Variants in ZNF385B observed in about 807,000 individuals in gnomAD.
ZNF385B encodes the protein zinc finger protein 533.
Under a neutral mutation model 39.2 loss-of-function variants are expected in ZNF385B, and 23 were observed. The observed-to-expected ratio is 0.59, with a 90% confidence interval of 0.42 to 0.83. The LOEUF (loss-of-function observed/expected upper bound fraction) is 0.83. Among genes scored for constraint, ZNF385B ranks in the 40% least tolerant of loss-of-function variants. ZNF385B has a pLI of 0.00. For synonymous variants in ZNF385B, 205 were observed against 222.6 expected, an observed-to-expected ratio of 0.92 and a Z score of 0.70; for missense variants, 552 against 598.9, an observed-to-expected ratio of 0.92 and a Z score of 0.82.
chr2:179,641,083 A>AT (rs1692226012), intron 3 of ZNF385B, among the ~76,000 whole-genome samples: 1 of 21,930 alleles, frequency 4.6e-5, no homozygotes, highest in African/African-American at 2.5e-4. Context: ...TGACCACTGC[A>AT]TAAAAAAGAT....
chr2:179,528,625 T>C (rs1176413320), intron 4 of ZNF385B, among the ~76,000 whole-genome samples: 1 of 152,222 alleles, frequency 6.6e-6, no homozygotes, highest in African/African-American at 2.4e-5. Flanking sequence ...TCCTTCTCTT[T>C]AGTGGAAACC....
Position 179,492,731 on chromosome 2 carries a change from G to A in ZNF385B, c.553-9297C>T, listed in dbSNP as rs572056841. On this transcript the variant is annotated intron_variant, in intron 5 of 9. Coordinates refer to ENST00000410066, the MANE Select transcript of ZNF385B (RefSeq NM_152520.6). Reference sequence around the variant, plus strand: ...TTTGTAAAATTCATACTCCAAAACCGAAACCAATTACTAAAACCTAGAAGA... The same window carrying A: ...TTTGTAAAATTCATACTCCAAAACCAAAACCAATTACTAAAACCTAGAAGA... 8.6e-5 allele frequency among the ~76,000 whole-genome samples: 13 copies of A among 151,912 alleles called. No individual in the cohort carries two copies. The East Asian group carries it at 2.3e-3, about 27-fold the overall frequency.
Position 179,814,672 on chromosome 2 carries a change from C to T in ZNF385B, c.-154-44000G>A, listed in dbSNP as rs569061810. 22 of 380,280 alleles carry T rather than the reference C, an allele frequency of 5.8e-5. No individual in the cohort carries two copies. In the East Asian group the frequency reaches 1.5e-3, roughly 27 times the overall value. 23.6% of individuals were successfully genotyped at this position (380,280 alleles called of 1,614,324 possible). Reference sequence around the variant, plus strand: ...AAAACTACTCCACCAAGTCCAGATACTGAAGCGCCCTCAGGCTGTGTGGAT... The same window carrying T: ...AAAACTACTCCACCAAGTCCAGATATTGAAGCGCCCTCAGGCTGTGTGGAT... On this transcript the variant is annotated intron_variant, in intron 1 of 9. Coordinates refer to ENST00000410066, the MANE Select transcript of ZNF385B (RefSeq NM_152520.6).
intron 1 of ZNF385B, among the ~76,000 whole-genome samples, chr2:179,857,672 G>A (rs1684712096): frequency 6.6e-6 from 1 of 152,126 alleles, no homozygotes; most frequent in South Asian, 2.1e-4. Context: ...GTAGGGAGGG[G>A]GAGCTAGTGG....
intron 3 of ZNF385B, among the ~76,000 whole-genome samples, chr2:179,703,448 T>G (rs533370132): frequency 3.3e-5 from 5 of 152,202 alleles, no homozygotes; most frequent in Non-Finnish European, 7.4e-5. Context: ...CTCTTTAACA[T>G]AGTATATATG....
chr2:179,714,405 G>C (rs1700189793), intron 3 of ZNF385B, among the ~76,000 whole-genome samples: 1 of 152,156 alleles, frequency 6.6e-6, no homozygotes, highest in Non-Finnish European at 1.5e-5. Context: ...GTAGGTGGTA[G>C]AGCTAGGATT....
rs533006719 is a variant in ZNF385B at position 179,767,328 on chromosome 2, C to T, written c.298+2175G>A. Among the ~76,000 whole-genome samples the T allele has an allele frequency of 1.4e-4, 21 of 152,246 alleles. No homozygotes were observed. In the East Asian group the frequency reaches 2.1e-3, roughly 15 times the overall value. On this transcript the variant is annotated intron_variant, in intron 3 of 9. Coordinates refer to ENST00000410066, the MANE Select transcript of ZNF385B (RefSeq NM_152520.6). ...GAGGCTGTAAGGTAAGGTAAACCTC[C>T]GCCTTTCTATCCTTCTATGGTTTCC... is the stretch of plus-strand genomic sequence containing the variant.
chr2:179,664,962 T>C (rs1490741290), intron 3 of ZNF385B, among the ~76,000 whole-genome samples: 2 of 152,162 alleles, frequency 1.3e-5, no homozygotes, highest in East Asian at 1.9e-4. Context: ...TGTTTGACTA[T>C]GAAAAAAATT....
At position 179,784,282 on chromosome 2, in the gene ZNF385B, C is replaced by T. The variant is rs114242510; in HGVS notation, c.-154-13610G>A. 3.8e-3 allele frequency among the ~76,000 whole-genome samples: 573 copies of T among 151,938 alleles called. 5 individuals are homozygous for T. The highest frequency in any genetic ancestry group is 0.013 in the African/African-American group (543 of 41,460). The stretch of plus-strand genomic sequence containing the variant: ...GTGAGATGATAAGAACTTGTGAACA[C>T]AAACAAGGAAACAGCAGACACTCGG... On this transcript the variant is annotated intron_variant, in intron 1 of 9. Coordinates refer to ENST00000410066, the MANE Select transcript of ZNF385B (RefSeq NM_152520.6).
intron 4 of ZNF385B, among the ~76,000 whole-genome samples, chr2:179,542,961 A>G (rs1335741476): frequency 2.0e-5 from 3 of 152,078 alleles, no homozygotes; most frequent in Middle Eastern, 3.2e-3. Context: ...TTCATGTATT[A>G]TTTATGTTAA....
At chr2:179,552,756 G>C (rs1184714574) in intron 3 of ZNF385B, among the ~76,000 whole-genome samples, 1 of 149,048 alleles carries the variant, frequency 6.7e-6, no homozygotes, top group Non-Finnish European at 1.5e-5. Flanking sequence ...ATATGAATAG[G>C]GGAGGTGACT....
chr2:179,511,598 G>T (rs1041918099), intron 5 of ZNF385B, among the ~76,000 whole-genome samples: 2 of 152,160 alleles, frequency 1.3e-5, no homozygotes, highest in Non-Finnish European at 2.9e-5. Context: ...GTCATTGAAC[G>T]ACTGCAGTTT....
intron 3 of ZNF385B, among the ~76,000 whole-genome samples, chr2:179,558,450 C>G (rs1312700971): frequency 6.6e-6 from 1 of 152,098 alleles, no homozygotes; most frequent in African/African-American, 2.4e-5. Flanking sequence ...CCATCCCAAG[C>G]CTGTTTAATT....
chr2:179,664,757 G>A (rs1226517688), intron 3 of ZNF385B, among the ~76,000 whole-genome samples: 2 of 152,010 alleles, frequency 1.3e-5, no homozygotes, highest in Non-Finnish European at 2.9e-5. Context: ...TATAATAGAA[G>A]TCAACTATGT....
chr2:179,749,614 C>A (rs1389637635), intron 3 of ZNF385B, among the ~76,000 whole-genome samples: 1 of 152,098 alleles, frequency 6.6e-6, no homozygotes, highest in Admixed American at 6.6e-5. Flanking sequence ...AAAATACATT[C>A]ATCCCCCCAG....
intron 6 of ZNF385B, among the ~76,000 whole-genome samples, chr2:179,477,713 C>A (rs1422651259): frequency 6.6e-6 from 1 of 152,150 alleles, no homozygotes; most frequent in Non-Finnish European, 1.5e-5. Flanking sequence ...AAGTCTGTAA[C>A]TGTCAAGCAG....
chr2:179,797,338 A>G (rs1370652228), intron 1 of ZNF385B, among the ~76,000 whole-genome samples: 1 of 152,224 alleles, frequency 6.6e-6, no homozygotes. Context: ...CATTTTACCT[A>G]TAAATATTTT....
intron 3 of ZNF385B, among the ~76,000 whole-genome samples, chr2:179,763,949 G>A (rs1703545703): frequency 6.6e-6 from 1 of 152,146 alleles, no homozygotes; most frequent in African/African-American, 2.4e-5. Context: ...CTGTTATTGA[G>A]TAGAGGTCTA....
intron 3 of ZNF385B, among the ~76,000 whole-genome samples, chr2:179,546,292 C>T (rs1427739041): frequency 6.6e-6 from 1 of 152,176 alleles, no homozygotes; most frequent in Non-Finnish European, 1.5e-5. Flanking sequence ...CAGTCTCGAC[C>T]TCCCAAAGTG....
Sources: allele counts gnomAD v4.1 joint callset (sites outside exome capture counted in the v4.1 genomes callset), GRCh38; gene constraint gnomAD v4.1.1; transcripts MANE v1.5; gene names NCBI Gene and HGNC (gene_info 2026-07-23, HGNC 2026-07-21).